Variants in NFKB1 observed in about 807,000 individuals in gnomAD.
NFKB1 encodes the protein nuclear factor NF-kappa-B p105 subunit.
Under a neutral mutation model 105.1 loss-of-function variants are expected in NFKB1, and 9 were observed. The observed-to-expected ratio is 0.09, with a 90% CI of 0.05 to 0.15. The LOEUF (loss-of-function observed/expected upper bound fraction) is 0.15. Ranked by LOEUF, NFKB1 falls within the 10% of genes least tolerant of loss-of-function variation. The probability of loss-of-function intolerance (pLI) is 1.00; values close to 1 mark genes in which losing one functional copy is unlikely to be tolerated. For missense variants in NFKB1, 830 were observed against 1,203.7 expected (o/e 0.69, Z 4.59); for synonymous variants, 440 against 442.2 (o/e 1.00, Z 0.06).
intron 5 of NFKB1, among the ~76,000 whole-genome samples, chr4:102,548,845 A>G (rs1722342535): frequency 6.6e-6 from 1 of 152,092 alleles, no homozygotes; most frequent in Non-Finnish European, 1.5e-5. Flanking sequence ...TCTTTCTCTT[A>G]GAGACCTGTC....
intron 5 of NFKB1, among the ~76,000 whole-genome samples, chr4:102,557,972 T>C (rs1177226574): frequency 6.6e-6 from 1 of 151,746 alleles, no homozygotes; most frequent in African/African-American, 2.4e-5. Flanking sequence ...TCTGCTCTGG[T>C]GTGTAATAAT....
intron 5 of NFKB1, among the ~76,000 whole-genome samples, chr4:102,561,084 C>T (rs1723385308): frequency 6.6e-6 from 1 of 152,176 alleles, no homozygotes; most frequent in Admixed American, 6.5e-5. Flanking sequence ...CTTTACTAAG[C>T]ATCTTTTTAT....
At chr4:102,536,152 T>C (rs1741621160) in intron 4 of NFKB1, among the ~76,000 whole-genome samples, 1 of 152,208 alleles carries the variant, frequency 6.6e-6, no homozygotes, top group African/African-American at 2.4e-5. Flanking sequence ...GTTGTTTTTT[T>C]CATGGTTTTA....
intron 15 of NFKB1, among the ~76,000 whole-genome samples, chr4:102,599,513 T>G (rs1726948177): frequency 6.6e-6 from 1 of 152,168 alleles, no homozygotes; most frequent in African/African-American, 2.4e-5. Context: ...GCGAGATGCT[T>G]TAGTGTGCTC....
chr4:102,587,854 C>T (rs1189728742), intron 11 of NFKB1, among the ~76,000 whole-genome samples: 1 of 152,110 alleles, frequency 6.6e-6, no homozygotes, highest in Admixed American at 6.6e-5. Flanking sequence ...GGCAATATAA[C>T]TGGTCAGAAA....
At position 102,538,033 on chromosome 4, in the gene NFKB1, A is replaced by G. The variant is rs1741755732; in HGVS notation, c.258+77A>G. 7.6e-6 allele frequency: 7 copies of G among 917,602 alleles called. No individual in the cohort carries two copies. The Middle Eastern group carries it at 8.6e-4, about 113-fold the overall frequency. 56.8% of individuals were successfully genotyped at this position (917,602 alleles called of 1,614,324 possible). A position where few individuals can be genotyped will look rare whatever the true frequency, so the allele number is the denominator to read the frequency against. On this transcript the variant is annotated intron_variant, in intron 5 of 23. Transcript: ENST00000226574. The stretch of plus-strand genomic sequence containing the variant: ...CTACGATTTCCAAGGAATTGCTTTA[A>G]ATGAGTACGGGTTGCCTTCGCTCCT...
chr4:102,568,082 G>C (rs1724020976), intron 6 of NFKB1, among the ~76,000 whole-genome samples: 1 of 152,110 alleles, frequency 6.6e-6, no homozygotes, highest in African/African-American at 2.4e-5. Context: ...CAAAAGAAAG[G>C]AATTGTTTAA....
At chr4:102,556,581 G>A (rs1723004929) in intron 5 of NFKB1, among the ~76,000 whole-genome samples, 1 of 152,124 alleles carries the variant, frequency 6.6e-6, no homozygotes. Context: ...TGGCTAGTGG[G>A]TTTGGAAACA....
chr4:102,528,604 A>G (rs1741080853), intron 2 of NFKB1, among the ~76,000 whole-genome samples: 1 of 152,186 alleles, frequency 6.6e-6, no homozygotes, highest in Non-Finnish European at 1.5e-5. Flanking sequence ...GTCTCTCATA[A>G]AAAGTAAAAT....
In NFKB1 at chr4:102,523,819, G is replaced by T. The variant is rs148975042; in HGVS notation, c.-7-1693G>T. ...AAGGGCCTTAAGCCCAGACCTGGAAGTGGTATGCAAGAGTTCTGACATTGC... is the reference window on the plus strand; with the variant it reads ...AAGGGCCTTAAGCCCAGACCTGGAATTGGTATGCAAGAGTTCTGACATTGC... On this transcript the variant is annotated intron_variant, in intron 1 of 23. Coordinates refer to ENST00000226574, the MANE Select transcript of NFKB1 (RefSeq NM_003998.4). 4.6e-3 allele frequency among the ~76,000 whole-genome samples: 699 copies of T among 152,306 alleles called. 3 individuals are homozygous for T. The highest frequency in any genetic ancestry group is 0.017 in the Middle Eastern group (5 of 294).
In NFKB1 at chr4:102,607,122, T is replaced by C. The variant is rs756592160; in HGVS notation, c.1955-28T>C. 11 of 1,613,518 alleles carry C rather than the reference T, an allele frequency of 6.8e-6. No homozygotes were observed. The East Asian group carries it at 2.5e-4, about 36-fold the overall frequency. ...ATCTTGTGAGTTAGCCATCCCATCC[T>C]GTGACTGTCCCTTTGCTTGGACTCT... On this transcript the variant is annotated intron_variant, in intron 17 of 23. Transcript: ENST00000226574.
At chr4:102,571,542 A>G (rs2149174405) in intron 6 of NFKB1, among the ~76,000 whole-genome samples, 1 of 152,344 alleles carries the variant, frequency 6.6e-6, no homozygotes. Flanking sequence ...CAGAGTGAAC[A>G]GGCAACCTAC....
chr4:102,550,249 T>C (rs183774071), intron 5 of NFKB1, among the ~76,000 whole-genome samples: 1 of 152,264 alleles, frequency 6.6e-6, no homozygotes, highest in Non-Finnish European at 1.5e-5. Flanking sequence ...ATCTTTTTTT[T>C]CCTAACACTT....
chr4:102,612,090 C>T lies in NFKB1; in HGVS notation c.2399C>T (p.Ser800Phe). Reference sequence around the variant, plus strand: ...AAACCATATGAGCCAGAGTTTACATCTGATGATTTACTAGCACAAGGTGGG... The same window carrying T: ...AAACCATATGAGCCAGAGTTTACATTTGATGATTTACTAGCACAAGGTGGG... ...NGKPYEPEFT[S>F]DDLLAQGDMK... The change falls in exon 21 of 24, where the codon TCT becomes TTT. Residue 800 changes from serine to phenylalanine, a missense_variant. This residue lies in a region of NFKB1 where 418 missense variants were observed against 575.3 expected (regional missense o/e 0.73). Transcript: ENST00000226574. The T allele has an allele frequency of 1.9e-6, 3 of 1,614,006 alleles. No individual in the cohort carries two copies. The highest frequency in any genetic ancestry group is 2.5e-6 in the Non-Finnish European group (3 of 1,179,906).
chr4:102,584,556 T>C, intron 10 of NFKB1, 126 bp from the exon 11 acceptor site: 2 of 894,996 alleles, frequency 2.2e-6, no homozygotes, highest in Non-Finnish European at 3.2e-6. Flanking sequence ...ACGGTGTTTT[T>C]TAGTACACTG....
chr4:102,522,596 G>A (rs1740640995), intron 1 of NFKB1, among the ~76,000 whole-genome samples: 1 of 152,196 alleles, frequency 6.6e-6, no homozygotes, highest in Non-Finnish European at 1.5e-5. Context: ...AAAAATTAGA[G>A]TGAGGACTGC....
chr4:102,533,728 G>A (rs1741452020), intron 3 of NFKB1, 117 bp from the exon 4 acceptor site: 1 of 831,314 alleles, frequency 1.2e-6, no homozygotes, highest in South Asian at 1.6e-5. Context: ...ACCAAAAATT[G>A]ATTTGAAATT....
intron 1 of NFKB1, among the ~76,000 whole-genome samples, chr4:102,510,157 A>T (rs1232002814): frequency 6.6e-6 from 1 of 152,058 alleles, no homozygotes; most frequent in East Asian, 1.9e-4. Flanking sequence ...CATTTCTCTC[A>T]CTTGCCTTTC....
chr4:102,540,068 T>TCCCCTTC (rs1243185105), intron 5 of NFKB1, among the ~76,000 whole-genome samples: 1 of 152,164 alleles, frequency 6.6e-6, no homozygotes, highest in Non-Finnish European at 1.5e-5. Context: ...GAGAAGGGGA[T>TCCCCTTC]TGAAAGACAC....
Sources: gnomAD v4.1 joint callset for allele counts (sites outside exome capture counted in the v4.1 genomes callset) on GRCh38, gnomAD v4.1.1 for gene constraint, gnomAD v4.1.1 regional missense constraint, MANE v1.5 for transcripts, NCBI Gene and HGNC (gene_info 2026-07-23, HGNC 2026-07-21) for gene names.